The following PRKCA variants were observed in gnomAD, a reference collection of about 807,000 sequenced individuals.
PRKCA encodes the protein protein kinase C alpha.
Under a neutral mutation model 87.0 loss-of-function variants are expected in PRKCA, and 27 were observed. The observed-to-expected ratio is 0.31, with a 90% confidence interval of 0.23 to 0.43. PRKCA has a LOEUF of 0.43. Among genes scored for constraint, PRKCA ranks in the 20% least tolerant of loss-of-function variants. PRKCA has a pLI of 1.00. For missense variants in PRKCA, 518 were observed against 852.3 expected, an observed-to-expected ratio of 0.61 and a Z score of 4.88; for synonymous variants, 329 against 311.1, an observed-to-expected ratio of 1.06 and a Z score of -0.61.
intron 5 of PRKCA, among the ~76,000 whole-genome samples, chr17:66,682,706 T>TTTG (rs3053459): frequency 0.36 from 55,319 of 151,800 alleles, 11,487 homozygotes; most frequent in East Asian, 0.49. Context: ...GTAGTGTGAT[T>TTTG]TTGTTGTTGT....
At chr17:66,621,929 C>T (rs570443089) in intron 3 of PRKCA, among the ~76,000 whole-genome samples, 15 of 152,310 alleles carry the variant, frequency 9.8e-5, no homozygotes, top group African/African-American at 3.6e-4. Flanking sequence ...AGGCTGGTTG[C>T]AGTGGCTCCT....
intron 2 of PRKCA, among the ~76,000 whole-genome samples, chr17:66,321,590 C>T (rs1475185112): frequency 1.3e-5 from 2 of 152,252 alleles, no homozygotes; most frequent in East Asian, 3.9e-4. Flanking sequence ...GTCGTCTATG[C>T]TGGAGTGCAA....
chr17:66,681,185 C>T (rs1013465421), intron 5 of PRKCA, among the ~76,000 whole-genome samples: 2 of 152,150 alleles, frequency 1.3e-5, no homozygotes, highest in South Asian at 2.1e-4. Context: ...GCCAAGATTG[C>T]GCCACTGCAC....
At chr17:66,463,717 A>C (rs551217686) in intron 2 of PRKCA, among the ~76,000 whole-genome samples, 1 of 152,010 alleles carries the variant, frequency 6.6e-6, no homozygotes, top group South Asian at 2.1e-4. Flanking sequence ...TTGTTTTTTT[A>C]ATTTATTTTT....
chr17:66,517,469 GT>G (rs1292441057), intron 3 of PRKCA, among the ~76,000 whole-genome samples: 1 of 152,004 alleles, frequency 6.6e-6, no homozygotes, highest in East Asian at 1.9e-4. Context: ...CCCATGCACT[GT>G]GGCCCTTGAG....
At chr17:66,698,221 G>A (rs1320945088) in intron 8 of PRKCA, among the ~76,000 whole-genome samples, 1 of 152,148 alleles carries the variant, frequency 6.6e-6, no homozygotes, top group Non-Finnish European at 1.5e-5. Context: ...AACATGAAAA[G>A]TTAAGGAGCC....
At position 66,805,032 on chromosome 17, in the gene PRKCA, G is replaced by A; in HGVS notation, c.*995G>A. The A allele has an allele frequency of 1.0e-6, 1 of 984,122 alleles. No individual in the cohort carries two copies. The highest frequency in any genetic ancestry group is 1.2e-6 in the Non-Finnish European group (1 of 828,638). 61.0% of individuals were successfully genotyped at this position (984,122 alleles called of 1,614,324 possible). On this transcript the variant is annotated 3_prime_UTR_variant, in exon 17 of 17. Transcript: ENST00000413366. ...ATAGGCTGCAGTGTCGCTTATGAAA[G>A]TACGATGTACAGTAACTTAATGGAA...
chr17:66,749,275 A>C (rs1974376225), intron 13 of PRKCA, among the ~76,000 whole-genome samples: 3 of 130,200 alleles, frequency 2.3e-5, no homozygotes, highest in African/African-American at 5.7e-5. Flanking sequence ...TCCCTCCCTG[A>C]CCTCCTCCCC....
At chr17:66,781,987 C>T (rs1598939263) in intron 14 of PRKCA, among the ~76,000 whole-genome samples, 1 of 151,630 alleles carries the variant, frequency 6.6e-6, no homozygotes, top group Admixed American at 6.6e-5. Context: ...AATCTCGGCT[C>T]ACCGCAACCT....
At chr17:66,362,052 T>A (rs1908418096) in intron 2 of PRKCA, among the ~76,000 whole-genome samples, 1 of 152,114 alleles carries the variant, frequency 6.6e-6, no homozygotes, top group African/African-American at 2.4e-5. Flanking sequence ...CTTTCTTTTT[T>A]GATACGGAGT....
intron 8 of PRKCA, among the ~76,000 whole-genome samples, chr17:66,730,318 G>C (rs1315569143): frequency 6.6e-6 from 1 of 152,138 alleles, no homozygotes; most frequent in East Asian, 1.9e-4. Context: ...TTGGGCGGGA[G>C]GGAATTCAAG....
At chr17:66,747,738 C>G (rs777106700) in intron 13 of PRKCA, among the ~76,000 whole-genome samples, 1 of 152,234 alleles carries the variant, frequency 6.6e-6, no homozygotes, top group African/African-American at 2.4e-5. Context: ...GAATCAGGGA[C>G]CTGAGTCATG....
chr17:66,744,293 TAGTC>T (rs1974224127), intron 13 of PRKCA, among the ~76,000 whole-genome samples: 1 of 152,234 alleles, frequency 6.6e-6, no homozygotes, highest in African/African-American at 2.4e-5. Flanking sequence ...ATATGAGGAA[TAGTC>T]AGGGTACTGT....
At chr17:66,798,407 ATGGTGATGGTGG>A (rs1975727781) in intron 16 of PRKCA, among the ~76,000 whole-genome samples, 3 of 47,548 alleles carry the variant, frequency 6.3e-5, no homozygotes, top group East Asian at 7.5e-4. Flanking sequence ...GGTGGTGGTG[ATGGTGATGGTGG>A]TGGTGGTGGT....
chr17:66,750,218 C>T (rs1050837054), intron 13 of PRKCA, among the ~76,000 whole-genome samples: 3 of 151,712 alleles, frequency 2.0e-5, no homozygotes, highest in Non-Finnish European at 4.4e-5. Flanking sequence ...CCATGGGCCC[C>T]GCACCAGCCC....
At chr17:66,303,352 C>T (rs1391819360) in intron 1 of PRKCA, among the ~76,000 whole-genome samples, 2 of 152,152 alleles carry the variant, frequency 1.3e-5, no homozygotes, top group East Asian at 1.9e-4. Flanking sequence ...GGCCGCTTGC[C>T]GGGGTGTGAG....
rs77538266 is a variant in PRKCA at position 66,808,235 on chromosome 17, C to T, written c.*4198C>T. 1,949 of 151,812 alleles carry T rather than the reference C, an allele frequency of 0.013. 36 individuals are homozygous for T. The highest frequency in any genetic ancestry group is 0.044 in the African/African-American group (1,837 of 41,322). 9.4% of individuals were successfully genotyped at this position (151,812 alleles called of 1,614,324 possible). A position where few individuals can be genotyped will look rare whatever the true frequency, so the allele number is the denominator to read the frequency against. On this transcript the variant is annotated 3_prime_UTR_variant, in exon 17 of 17. Transcript: ENST00000413366. ...ATGGAGAAGTAAAAACAACTAACACCGCACAACTAACAACTAACACCGCAG... is the reference window on the plus strand; with the variant it reads ...ATGGAGAAGTAAAAACAACTAACACTGCACAACTAACAACTAACACCGCAG...
At chr17:66,731,201 A>C (rs1037275441) in intron 8 of PRKCA, among the ~76,000 whole-genome samples, 1 of 152,008 alleles carries the variant, frequency 6.6e-6, no homozygotes, top group Non-Finnish European at 1.5e-5. Context: ...ACATACAAAA[A>C]AATTAGCCAT....
chr17:66,660,184 G>A (rs1052347604), intron 5 of PRKCA, among the ~76,000 whole-genome samples: 1 of 152,098 alleles, frequency 6.6e-6, no homozygotes, highest in African/African-American at 2.4e-5. Context: ...ATGGAAGAAT[G>A]TAGAACAAAG....
Sources: gnomAD v4.1 joint callset for allele counts (sites outside exome capture counted in the v4.1 genomes callset) on GRCh38, gnomAD v4.1.1 for gene constraint, MANE v1.5 for transcripts, NCBI Gene and HGNC (gene_info 2026-07-23, HGNC 2026-07-21) for gene names.